PTPRD: variants seen among roughly 807,000 people sequenced by gnomAD.
PTPRD encodes the protein protein tyrosine phosphatase receptor type D.
A neutral mutation model predicts 214.5 loss-of-function variants in PTPRD; 34 were observed. The ratio of observed to expected loss-of-function variants is 0.16; its 90% confidence interval spans 0.12 to 0.21. PTPRD has a LOEUF of 0.21. Ranked by LOEUF, PTPRD falls within the 10% of genes least tolerant of loss-of-function variation. The pLI, the probability that PTPRD is intolerant of heterozygous loss-of-function variation, is 1.00. For missense variants in PTPRD, 2,545 were observed against 2,398.7 expected, an observed-to-expected ratio of 1.06 and a Z score of -1.27; for synonymous variants, 1,128 against 845.7, an observed-to-expected ratio of 1.33 and a Z score of -5.79.
chr9:9,562,390 C>A (rs2083207467), intron 8 of PTPRD, among the ~76,000 whole-genome samples: 1 of 152,206 alleles, frequency 6.6e-6, no homozygotes, highest in Non-Finnish European at 1.5e-5. Flanking sequence ...TTAAAAATGG[C>A]TTCTGGCTTT....
chr9:10,291,253 G>T (rs771748079), intron 3 of PTPRD, among the ~76,000 whole-genome samples: 1 of 151,992 alleles, frequency 6.6e-6, no homozygotes, highest in Non-Finnish European at 1.5e-5. Context: ...ACCAGGAGTG[G>T]CAGCTGAGGA....
At chr9:9,489,957 T>C (rs1271279658) in intron 8 of PTPRD, among the ~76,000 whole-genome samples, 2 of 152,142 alleles carry the variant, frequency 1.3e-5, no homozygotes, top group African/African-American at 2.4e-5. Flanking sequence ...AGACAGGTTG[T>C]CAACAAAATT....
chr9:9,210,799 T>A (rs2099948036), intron 9 of PTPRD, among the ~76,000 whole-genome samples: 1 of 152,040 alleles, frequency 6.6e-6, no homozygotes, highest in South Asian at 2.1e-4. Flanking sequence ...ACTTACTAAT[T>A]TTGCTCCCTG....
At chr9:8,389,461 G>A (rs1589289489) in intron 36 of PTPRD, 54 bp from the exon 37 acceptor site, 3 of 1,406,640 alleles carry the variant, frequency 2.1e-6, no homozygotes, top group Admixed American at 3.9e-5. Flanking sequence ...AGAGGAAACA[G>A]CCTGGGACAT....
At chr9:9,818,722 C>T (rs910672204) in intron 5 of PTPRD, among the ~76,000 whole-genome samples, 1 of 151,664 alleles carries the variant, frequency 6.6e-6, no homozygotes, top group African/African-American at 2.4e-5. Context: ...TCGAAGTCAC[C>T]CTGGCTGACA....
chr9:8,428,083 A>G (rs1048784109), intron 35 of PTPRD, among the ~76,000 whole-genome samples: 7 of 152,182 alleles, frequency 4.6e-5, no homozygotes, highest in Non-Finnish European at 2.9e-5. Flanking sequence ...TCATTTGCTT[A>G]AGGTCACACA....
At chr9:9,899,922 A>G (rs1184861303) in intron 5 of PTPRD, among the ~76,000 whole-genome samples, 1 of 152,184 alleles carries the variant, frequency 6.6e-6, no homozygotes, top group African/African-American at 2.4e-5. Flanking sequence ...ATACTATGTT[A>G]GGTGAAATAA....
chr9:9,428,847 G>A (rs2082014503), intron 8 of PTPRD, among the ~76,000 whole-genome samples: 1 of 152,150 alleles, frequency 6.6e-6, no homozygotes, highest in African/African-American at 2.4e-5. Context: ...GATGTTCTTT[G>A]AAACCAGTGA....
chr9:8,589,931 A>C (rs2093969195), intron 14 of PTPRD, among the ~76,000 whole-genome samples: 1 of 152,184 alleles, frequency 6.6e-6, no homozygotes, highest in Non-Finnish European at 1.5e-5. Context: ...TTCTGGAAGA[A>C]AATTATGCTG....
intron 9 of PTPRD, among the ~76,000 whole-genome samples, chr9:9,311,486 A>C (rs1958987060): frequency 6.6e-6 from 1 of 152,168 alleles, no homozygotes; most frequent in Admixed American, 6.6e-5. Context: ...TTTATTTTCT[A>C]AGTTTTGAAG....
intron 12 of PTPRD, among the ~76,000 whole-genome samples, chr9:8,654,226 G>C (rs775467380): frequency 6.6e-6 from 1 of 152,164 alleles, no homozygotes; most frequent in African/African-American, 2.4e-5. Flanking sequence ...CCCTAGCTCA[G>C]ATGCCTCCAA....
chr9:10,187,188 T>G (rs2099338200), intron 3 of PTPRD, among the ~76,000 whole-genome samples: 1 of 152,180 alleles, frequency 6.6e-6, no homozygotes, highest in African/African-American at 2.4e-5. Context: ...TGCTGTGTTT[T>G]TTTTAACCTT....
At position 8,504,361 on chromosome 9, in the gene PTPRD, T is replaced by C. The variant is rs139810753; in HGVS notation, c.1722A>G (p.Gly574=). The C allele has an allele frequency of 1.3e-3, 2,140 of 1,614,164 alleles. 10 individuals are homozygous for C. The highest frequency in any genetic ancestry group is 5.3e-3 in the South Asian group (484 of 91,080). Residue 574 remains glycine (G), a synonymous_variant, in exon 23 of 46, where the codon GGA becomes GGG. Coordinates refer to ENST00000381196, the MANE Select transcript of PTPRD (RefSeq NM_002839.4). The part of the protein sequence containing the change: ...IEPGTSYRLQ[G]LKPNSLYYFR... ...AATAGTATAAGCTGTTTGGTTTCAG[T>C]CCTTGCAGCCTATATGATGTCCCTG...
At chr9:10,125,670 G>C (rs1340442580) in intron 3 of PTPRD, among the ~76,000 whole-genome samples, 1 of 147,366 alleles carries the variant, frequency 6.8e-6, no homozygotes, top group Non-Finnish European at 1.5e-5. Context: ...TTTTAGTAGA[G>C]ACGGGGTTTC....
intron 9 of PTPRD, among the ~76,000 whole-genome samples, chr9:9,353,051 G>A (rs1475905811): frequency 6.6e-6 from 1 of 151,806 alleles, no homozygotes; most frequent in East Asian, 1.9e-4. Flanking sequence ...TTTAATGCAG[G>A]GAGAAATCAT....
At chr9:8,999,879 G>C (rs1204779520) in intron 11 of PTPRD, among the ~76,000 whole-genome samples, 1 of 151,990 alleles carries the variant, frequency 6.6e-6, no homozygotes, top group Admixed American at 6.6e-5. Flanking sequence ...GGTGTTGACA[G>C]ATAAAGAAAA....
At chr9:8,973,826 C>G (rs2099253024) in intron 11 of PTPRD, among the ~76,000 whole-genome samples, 1 of 152,082 alleles carries the variant, frequency 6.6e-6, no homozygotes, top group Non-Finnish European at 1.5e-5. Flanking sequence ...TGATGTAGAG[C>G]ATTTTTTCAT....
intron 3 of PTPRD, among the ~76,000 whole-genome samples, chr9:10,233,629 A>T (rs1265283439): frequency 6.6e-6 from 1 of 152,000 alleles, no homozygotes; most frequent in Non-Finnish European, 1.5e-5. Flanking sequence ...AATTGCAATC[A>T]TGCTACTTGT....
intron 14 of PTPRD, among the ~76,000 whole-genome samples, chr9:8,533,384 T>C (rs2076185658): frequency 6.6e-6 from 1 of 152,052 alleles, no homozygotes; most frequent in African/African-American, 2.4e-5. Context: ...AAAATCCCAA[T>C]TTTTAAGATT....
Sources: gnomAD v4.1 joint callset for allele counts (sites outside exome capture counted in the v4.1 genomes callset) on GRCh38, gnomAD v4.1.1 for gene constraint, MANE v1.5 for transcripts, NCBI Gene and HGNC (gene_info 2026-07-23, HGNC 2026-07-21) for gene names.